The following TRPM3 variants were observed in gnomAD, a reference collection of about 807,000 sequenced individuals.
TRPM3 encodes the protein transient receptor potential cation channel subfamily M member 3.
In TRPM3, 77 loss-of-function variants were observed where a neutral mutation model predicts 181.2. The ratio of observed to expected loss-of-function variants is 0.42; its 90% CI spans 0.35 to 0.51. TRPM3 has a LOEUF of 0.51. Among genes scored for constraint, TRPM3 ranks in the 20% least tolerant of loss-of-function variants. The pLI is 0.01. For missense variants in TRPM3, 1,759 were observed against 2,196.7 expected (o/e 0.80, Z 3.98); for synonymous variants, 745 against 796.4 (o/e 0.94, Z 1.09).
At chr9:70,561,968 T>C (rs1380835805) in intron 22 of TRPM3, among the ~76,000 whole-genome samples, 1 of 152,230 alleles carries the variant, frequency 6.6e-6, no homozygotes, top group African/African-American at 2.4e-5. Context: ...CTAAATTCCC[T>C]TTTTTAGGAA....
chr9:71,421,897 T>C (rs963330648), intron 1 of TRPM3, among the ~76,000 whole-genome samples: 1 of 152,000 alleles, frequency 6.6e-6, no homozygotes, highest in Non-Finnish European at 1.5e-5. Flanking sequence ...ACCACATCAT[T>C]ATACACACAT....
intron 1 of TRPM3, among the ~76,000 whole-genome samples, chr9:71,176,306 T>C (rs2077105016): frequency 1.3e-5 from 2 of 152,280 alleles, no homozygotes; most frequent in Non-Finnish European, 2.9e-5. Flanking sequence ...AAGACAGTGA[T>C]ATTGATGATC....
At chr9:71,017,093 C>T (rs1402971900) in intron 1 of TRPM3, among the ~76,000 whole-genome samples, 2 of 152,078 alleles carry the variant, frequency 1.3e-5, no homozygotes, top group African/African-American at 4.8e-5. Flanking sequence ...TTCACATTTA[C>T]TGCACATAAG....
intron 1 of TRPM3, among the ~76,000 whole-genome samples, chr9:71,141,831 T>C (rs955622002): frequency 1.3e-5 from 2 of 152,238 alleles, no homozygotes; most frequent in Non-Finnish European, 2.9e-5. Context: ...ACTTTGGCAA[T>C]GACCTTTTGA....
intron 23 of TRPM3, 27 bp from the exon 24 acceptor site, chr9:70,553,070 G>A (rs2046839412): frequency 6.2e-7 from 1 of 1,613,688 alleles, no homozygotes; most frequent in South Asian, 1.1e-5. Flanking sequence ...AGAGAATCAA[G>A]TGAGAAAAAC....
chr9:71,376,692 T>C (rs1394034617), intron 1 of TRPM3, among the ~76,000 whole-genome samples: 1 of 152,114 alleles, frequency 6.6e-6, no homozygotes, highest in Non-Finnish European at 1.5e-5. Flanking sequence ...GTTAAATGCA[T>C]ATTTTCAGGT....
Position 70,846,590 on chromosome 9 carries a change from T to C in TRPM3, c.464A>G (p.Tyr155Cys). The change falls in exon 4 of 26, where the codon TAT (tyrosine) becomes TGT (cysteine). Residue 155 changes from tyrosine (Y) to cysteine (C), a missense_variant and splice_region_variant. Transcript: ENST00000677713. ...QGGGHSNKAMYVRVSFDTKPD... is the reference protein window; with the variant it reads ...QGGGHSNKAMCVRVSFDTKPD... Reference sequence around the variant, plus strand: ...TTTTGTATCAAAAGATACTCGCACATACTGGAAGAAGAAAGGACATCAATT... The same window carrying C: ...TTTTGTATCAAAAGATACTCGCACACACTGGAAGAAGAAAGGACATCAATT... 1 of 1,613,736 alleles carries C rather than the reference T, an allele frequency of 6.2e-7. No homozygotes were observed. The highest frequency in any genetic ancestry group is 8.5e-7 in the Non-Finnish European group (1 of 1,179,656).
At chr9:71,267,330 C>T (rs1296636591) in intron 1 of TRPM3, among the ~76,000 whole-genome samples, 1 of 152,136 alleles carries the variant, frequency 6.6e-6, no homozygotes, top group Non-Finnish European at 1.5e-5. Context: ...TTCATGTTTA[C>T]CCTCATTCTA....
intron 1 of TRPM3, among the ~76,000 whole-genome samples, chr9:70,962,668 A>G (rs1036402974): frequency 6.6e-6 from 1 of 152,222 alleles, no homozygotes; most frequent in African/African-American, 2.4e-5. Context: ...TACCTATGAT[A>G]AAGTTTAATT....
chr9:71,349,020 G>C (rs2091453574), intron 1 of TRPM3, among the ~76,000 whole-genome samples: 1 of 152,158 alleles, frequency 6.6e-6, no homozygotes, highest in South Asian at 2.1e-4. Context: ...AACATGCTGT[G>C]CTTTAAATTC....
At chr9:71,314,456 T>A (rs938023837) in intron 1 of TRPM3, among the ~76,000 whole-genome samples, 4 of 152,164 alleles carry the variant, frequency 2.6e-5, no homozygotes, top group Admixed American at 6.6e-5. Context: ...CTTTTAAAAT[T>A]GGGAAAATTA....
intron 8 of TRPM3, among the ~76,000 whole-genome samples, chr9:70,701,732 G>C (rs1224680671): frequency 6.6e-6 from 1 of 152,106 alleles, no homozygotes; most frequent in East Asian, 1.9e-4. Flanking sequence ...AACATATCTA[G>C]ATTCTTAAGG....
intron 5 of TRPM3, among the ~76,000 whole-genome samples, chr9:70,832,964 A>G (rs945841118): frequency 6.6e-6 from 1 of 152,224 alleles, no homozygotes; most frequent in African/African-American, 2.4e-5. Flanking sequence ...ACATACAATC[A>G]TGCATCTTGG....
chr9:71,377,007 T>A (rs1384971220), intron 1 of TRPM3, among the ~76,000 whole-genome samples: 1 of 152,120 alleles, frequency 6.6e-6, no homozygotes. Flanking sequence ...AATTATTACA[T>A]AGCTGCCACG....
At chr9:71,339,710 A>G (rs895771785) in intron 1 of TRPM3, among the ~76,000 whole-genome samples, 16 of 152,064 alleles carry the variant, frequency 1.1e-4, no homozygotes, top group Admixed American at 6.6e-5. Flanking sequence ...GGACTAGACA[A>G]CAGATCTGTG....
At chr9:71,130,456 A>G (rs1461706080) in intron 1 of TRPM3, among the ~76,000 whole-genome samples, 1 of 152,208 alleles carries the variant, frequency 6.6e-6, no homozygotes, top group African/African-American at 2.4e-5. Flanking sequence ...CTCTGTAACC[A>G]TATAAGTAAA....
chr9:71,415,616 A>G (rs1226076660), intron 1 of TRPM3, among the ~76,000 whole-genome samples: 1 of 152,008 alleles, frequency 6.6e-6, no homozygotes, highest in Non-Finnish European at 1.5e-5. Context: ...TAAATTATAA[A>G]TCTCAGCTGC....
intron 1 of TRPM3, among the ~76,000 whole-genome samples, chr9:70,912,247 C>T (rs188602085): frequency 9.9e-5 from 15 of 152,270 alleles, no homozygotes; most frequent in African/African-American, 3.6e-4. Flanking sequence ...GTGTTCCAGG[C>T]ACTTTATAAT....
Position 70,535,335 on chromosome 9 carries a change from G to T in TRPM3, c.*618C>A. The stretch of plus-strand genomic sequence containing the variant: ...AATAGATAAGAGACAGGTGAACTAT[G>T]ACTGTTACCTTGTTTTTTCTTTATA... On this transcript the variant is annotated 3_prime_UTR_variant, in exon 26 of 26. Transcript: ENST00000677713. 2 of 1,376,362 alleles carry T rather than the reference G, an allele frequency of 1.5e-6. No individual in the cohort carries two copies. The highest frequency in any genetic ancestry group is 2.5e-5 in the South Asian group (2 of 79,616). The allele number at this position is 1,376,362 out of a possible 1,614,324, so 85.3% of individuals were successfully genotyped here.
Sources: allele counts gnomAD v4.1 joint callset (sites outside exome capture counted in the v4.1 genomes callset), GRCh38; gene constraint gnomAD v4.1.1; transcripts MANE v1.5; gene names NCBI Gene and HGNC (gene_info 2026-07-23, HGNC 2026-07-21).